Variants in ATE1 observed in about 807,000 individuals in gnomAD.
ATE1 encodes the protein arginyltransferase 1, also known as arginyl-tRNA--protein transferase 1.
In ATE1, 36 loss-of-function variants were observed where a neutral mutation model predicts 70.5. The observed-to-expected ratio is 0.51, with a 90% CI of 0.39 to 0.67. The LOEUF is 0.67. Ranked by LOEUF, ATE1 falls within the 30% of genes least tolerant of loss-of-function variation. ATE1 has a pLI of 0.00. For synonymous variants in ATE1, 232 were observed against 219.3 expected (o/e 1.06, Z -0.51); for missense variants, 593 against 629.5 (o/e 0.94, Z 0.62).
At chr10:121,863,911 G>A (rs921179242) in intron 8 of ATE1, among the ~76,000 whole-genome samples, 1 of 152,188 alleles carries the variant, frequency 6.6e-6, no homozygotes, top group Non-Finnish European at 1.5e-5. Context: ...AACTTTCCTA[G>A]GATAAGTATT....
intron 11 of ATE1, among the ~76,000 whole-genome samples, chr10:121,768,761 C>G (rs1181334082): frequency 1.3e-5 from 2 of 152,102 alleles, no homozygotes; most frequent in East Asian, 1.9e-4. Flanking sequence ...CTGGGACATA[C>G]AGAAGACCAC....
intron 10 of ATE1, among the ~76,000 whole-genome samples, chr10:121,802,314 CTT>C (rs11354853): frequency 4.6e-4 from 67 of 146,400 alleles, no homozygotes; most frequent in Admixed American, 4.1e-4. Flanking sequence ...GTCTACTCCA[CTT>C]TTTTTTTTTT....
intron 7 of ATE1, among the ~76,000 whole-genome samples, chr10:121,890,994 G>A (rs762957285): frequency 2.0e-5 from 3 of 152,082 alleles, no homozygotes; most frequent in Admixed American, 6.6e-5. Flanking sequence ...ATGTTGAAAC[G>A]GCTCCACTGT....
In ATE1 at chr10:121,771,300, A is replaced by G. The variant is rs538804701; in HGVS notation, c.1378+18869T>C. On this transcript the variant is annotated intron_variant, in intron 11 of 11. Coordinates refer to ENST00000224652, the MANE Select transcript of ATE1 (RefSeq NM_001001976.3). ...TGGCCAGGCTGGTCTTGAACTCCTG[A>G]CCTCGTGATCCACCCGCCTTGGCCT... is the stretch of plus-strand genomic sequence containing the variant. Among the ~76,000 whole-genome samples, 15 of 152,076 alleles carry G rather than the reference A, an allele frequency of 9.9e-5. No homozygotes were observed. The South Asian group carries it at 3.1e-3, about 32-fold the overall frequency.
In ATE1 at chr10:121,856,829, G is replaced by C. The variant is rs183869946; in HGVS notation, c.975+13177C>G. On this transcript the variant is annotated intron_variant, in intron 8 of 11. Coordinates refer to ENST00000224652, the MANE Select transcript of ATE1 (RefSeq NM_001001976.3). ...GTAAAAAACGGTGTATCTGAGAAGT[G>C]CAACGAAGCGTAACAAAATGAAGGA... Among the ~76,000 whole-genome samples the C allele has an allele frequency of 8.4e-4, 128 of 152,332 alleles. No homozygotes were observed. The East Asian group carries it at 0.024, about 28-fold the overall frequency.
chr10:121,770,710 G>A (rs1564823493), intron 11 of ATE1, among the ~76,000 whole-genome samples: 1 of 146,116 alleles, frequency 6.8e-6, no homozygotes, highest in Non-Finnish European at 1.5e-5. Flanking sequence ...GATAAGTGGG[G>A]GATTTATAAG....
At chr10:121,821,079 C>A (rs374999282) in intron 10 of ATE1, among the ~76,000 whole-genome samples, 9 of 152,124 alleles carry the variant, frequency 5.9e-5, no homozygotes, top group African/African-American at 2.2e-4. Context: ...GTAGCTGGGA[C>A]TACAGGCGCC....
At chr10:121,877,148 G>C (rs564113474) in intron 7 of ATE1, among the ~76,000 whole-genome samples, 1 of 152,178 alleles carries the variant, frequency 6.6e-6, no homozygotes, top group South Asian at 2.1e-4. Flanking sequence ...AGAATCCTTT[G>C]CTCCTCTAAC....
intron 10 of ATE1, among the ~76,000 whole-genome samples, chr10:121,835,040 G>T (rs953879999): frequency 1.4e-4 from 21 of 152,230 alleles, no homozygotes; most frequent in African/African-American, 5.1e-4. Flanking sequence ...GAGCCAGAAG[G>T]ATAAAACACT....
chr10:121,793,628 A>G (rs898066234), intron 10 of ATE1, among the ~76,000 whole-genome samples: 1 of 152,080 alleles, frequency 6.6e-6, no homozygotes, highest in Non-Finnish European at 1.5e-5. Context: ...AGGAATTTGC[A>G]TTTTTCTTTT....
chr10:121,812,182 G>A (rs1164460427), intron 10 of ATE1, among the ~76,000 whole-genome samples: 3 of 151,710 alleles, frequency 2.0e-5, no homozygotes, highest in Non-Finnish European at 2.9e-5. Flanking sequence ...TCTGGAACTC[G>A]TAAGCTCAGG....
intron 10 of ATE1, among the ~76,000 whole-genome samples, chr10:121,835,130 T>C (rs1347681409): frequency 6.6e-6 from 1 of 152,188 alleles, no homozygotes; most frequent in Non-Finnish European, 1.5e-5. Flanking sequence ...GAACATATGT[T>C]AAGGCCCATC....
intron 6 of ATE1, among the ~76,000 whole-genome samples, chr10:121,901,665 AAG>A (rs1950987466): frequency 6.6e-6 from 1 of 152,112 alleles, no homozygotes; most frequent in Admixed American, 6.6e-5. Flanking sequence ...TGTGTTGGCC[AAG>A]CTGATCTCAA....
At chr10:121,870,589 C>G (rs1949820220) in intron 7 of ATE1, among the ~76,000 whole-genome samples, 1 of 152,198 alleles carries the variant, frequency 6.6e-6, no homozygotes, top group Admixed American at 6.5e-5. Context: ...TCTGATCTTT[C>G]TCTTTTCTCA....
chr10:121,829,329 A>C (rs1948144371), intron 10 of ATE1, among the ~76,000 whole-genome samples: 1 of 152,172 alleles, frequency 6.6e-6, no homozygotes, highest in South Asian at 2.1e-4. Context: ...AAGCTGAGGC[A>C]GGAGAACTGC....
At chr10:121,920,651 C>T (rs1440206004) in intron 3 of ATE1, among the ~76,000 whole-genome samples, 8 of 152,070 alleles carry the variant, frequency 5.3e-5, no homozygotes, top group African/African-American at 1.2e-4. Flanking sequence ...AAAAATCCAA[C>T]GAAGACTTTG....
At chr10:121,783,251 C>CTTATT (rs1946070851) in intron 11 of ATE1, among the ~76,000 whole-genome samples, 4 of 152,086 alleles carry the variant, frequency 2.6e-5, no homozygotes, top group African/African-American at 9.7e-5. Context: ...TAGTGGTAAT[C>CTTATT]TTATTTTTTA....
At chr10:121,827,018 AT>A (rs34739140) in intron 10 of ATE1, among the ~76,000 whole-genome samples, 70,947 of 145,888 alleles carry the variant, frequency 0.49, 17,821 homozygotes, top group Middle Eastern at 0.6. Context: ...ATGGGCAATA[AT>A]TTTTTTTTTT....
At chr10:121,764,284 G>C (rs927978651) in intron 11 of ATE1, among the ~76,000 whole-genome samples, 3 of 151,890 alleles carry the variant, frequency 2.0e-5, no homozygotes, top group African/African-American at 7.3e-5. Context: ...TAATGAGAAT[G>C]TTCTACACTA....
Sources: gnomAD v4.1 joint callset for allele counts (sites outside exome capture counted in the v4.1 genomes callset) on GRCh38, gnomAD v4.1.1 for gene constraint, MANE v1.5 for transcripts, NCBI Gene and HGNC (gene_info 2026-07-23, HGNC 2026-07-21) for gene names.